The following CARNS1 variants were observed in gnomAD, a reference collection of about 807,000 sequenced individuals.
CARNS1 encodes the protein ATP-grasp domain containing 1.
In CARNS1, 61 loss-of-function variants were observed where a neutral mutation model predicts 74.0. The ratio of observed to expected loss-of-function variants is 0.82; its 90% confidence interval spans 0.67 to 1.02. The LOEUF (loss-of-function observed/expected upper bound fraction) is 1.02. Ranked by LOEUF, CARNS1 falls within the 50% of genes least tolerant of loss-of-function variation. The pLI is 0.00. For synonymous variants in CARNS1, 568 were observed against 605.5 expected (o/e 0.94, Z 0.91); for missense variants, 1,278 against 1,308.4 (o/e 0.98, Z 0.36).
chr11:67,415,913 C>A (rs188622906), intron 1 of CARNS1, 150 bp downstream of exon 1: 8 of 294,978 alleles, frequency 2.7e-5, no homozygotes, highest in Non-Finnish European at 5.1e-5. Context: ...GCCCCCAACT[C>A]CCCCCCGCGC....
Position 67,423,282 on chromosome 11 carries a change from T to A in CARNS1, c.1627-93T>A. ...TGAGCACCTAGTGTTTGTGTACTCGTATCCCCTGAAGGGGCCATCCTAGGC... is the reference window on the plus strand; with the variant it reads ...TGAGCACCTAGTGTTTGTGTACTCGAATCCCCTGAAGGGGCCATCCTAGGC... On this transcript the variant is annotated intron_variant, in intron 9 of 9. Coordinates refer to ENST00000687366, the MANE Select transcript of CARNS1 (RefSeq NM_001166222.2). The surrounding 1 kb of genome is among the most constrained non-coding windows in gnomAD (Gnocchi z 5.1). The A allele has an allele frequency of 7.9e-7, 1 of 1,269,182 alleles. No homozygotes were observed. Among genetic ancestry groups the A allele is most frequent in the Non-Finnish European group, 1.1e-6 (1 of 909,376 alleles). 78.6% of individuals were successfully genotyped at this position (1,269,182 alleles called of 1,614,324 possible). A position where few individuals can be genotyped will look rare whatever the true frequency, so the allele number is the denominator to read the frequency against.
rs957682205 is a variant in CARNS1 at position 67,425,270 on chromosome 11, T to C, written c.*669T>C. ...TGACTGCTCCAGGATTATACCACAG[T>C]GGAGAGCGGGTCACAGGACATGATG... is the stretch of plus-strand genomic sequence containing the variant. On this transcript the variant is annotated 3_prime_UTR_variant, in exon 10 of 10. Coordinates refer to ENST00000687366, the MANE Select transcript of CARNS1 (RefSeq NM_001166222.2). The C allele has an allele frequency of 5.6e-6, 2 of 358,132 alleles. No individual in the cohort carries two copies. Among genetic ancestry groups the C allele is most frequent in the Non-Finnish European group, 1.1e-5 (2 of 181,642 alleles). The allele number at this position is 358,132 out of a possible 1,614,324, so 22.2% of individuals were successfully genotyped here.
chr11:67,423,835 A>G lies in CARNS1; in HGVS notation c.2087A>G (p.Glu696Gly). The change falls in exon 10 of 10, where the codon GAG becomes GGG. Residue 696 changes from glutamate (E) to glycine (G), a missense_variant. Coordinates refer to ENST00000687366, the MANE Select transcript of CARNS1 (RefSeq NM_001166222.2). This position sits in a 1 kb window ranked among gnomAD's most constrained non-coding sequence, Gnocchi z 5.1. The part of the protein sequence containing the change: ...RLVEDAPQCH[E>G]HFSRITRDLQ... ...GTAGAGGATGCGCCACAGTGCCATG[A>G]GCACTTTTCCCGGATTACCCGAGAC... 6.2e-7 allele frequency: 1 copy of G among 1,611,642 alleles called. No individual in the cohort carries two copies. The highest frequency in any genetic ancestry group is 8.5e-7 in the Non-Finnish European group (1 of 1,179,860).
At position 67,424,499 on chromosome 11, in the gene CARNS1, C is replaced by A; in HGVS notation, c.2751C>A (p.Pro917=). ...EPYCSVACAG[P]SPTEARLRLL... is the part of the protein sequence containing the mutation. ...ACTGCAGTGTGGCCTGTGCCGGACCCAGCCCCACCGAGGCCCGTCTCCGCC... is the reference window on the plus strand; with the variant it reads ...ACTGCAGTGTGGCCTGTGCCGGACCAAGCCCCACCGAGGCCCGTCTCCGCC... Residue 917 remains proline, a synonymous_variant, in exon 10 of 10, where the codon CCC becomes CCA. Transcript: ENST00000687366. The A allele has an allele frequency of 6.3e-7, 1 of 1,588,740 alleles. No homozygotes were observed. The highest frequency in any genetic ancestry group is 2.3e-5 in the East Asian group (1 of 43,502).
At position 67,420,681 on chromosome 11, in the gene CARNS1, G is replaced by A; in HGVS notation, c.1186G>A (p.Ala396Thr). The A allele has an allele frequency of 7.9e-7, 1 of 1,263,646 alleles. No individual in the cohort carries two copies. Among genetic ancestry groups the A allele is most frequent in the Non-Finnish European group, 9.9e-7 (1 of 1,006,440 alleles). The allele number at this position is 1,263,646 out of a possible 1,614,324, so 78.3% of individuals were successfully genotyped here. A position where few individuals can be genotyped will look rare whatever the true frequency, so the allele number is the denominator to read the frequency against. The change falls in exon 8 of 10, where the codon GCG becomes ACG. Residue 396 changes from alanine to threonine, a missense_variant. Physicochemically the swap from Ala to Thr is moderately conservative, Grantham distance 58. Transcript: ENST00000687366. ...HNSLPRTLEV[A>T]LAQCGLGEEA... ...CTCCCTGCCGAGGACGCTGGAGGTG[G>A]CGCTGGCCCAGTGCGGCCTGGGCGA...
chr11:67,419,807 G>A lies in CARNS1; in HGVS notation c.1082G>A (p.Arg361Gln), dbSNP rs760637952. The A allele has an allele frequency of 3.9e-5, 62 of 1,597,442 alleles. No individual in the cohort carries two copies. Among genetic ancestry groups the A allele is most frequent in the South Asian group, 1.2e-4 (11 of 88,194 alleles). ...GTGCGAATCTGTGCTGTGGTGTGTC[G>A]GACACAGGGTGATAGGCCACTGCTG... is the stretch of plus-strand genomic sequence containing the variant. ...LAVRICAVVC[R>Q]TQGDRPLLSK... The change falls in exon 7 of 10, where the codon CGG becomes CAG. Residue 361 changes from arginine (R) to glutamine (Q), a missense_variant. By Grantham distance (43) the Arg-to-Gln change is conservative. This residue lies in a region of CARNS1 where 1,164 missense variants were observed against 1,156.5 expected (regional missense o/e 1.01). Transcript: ENST00000687366.
chr11:67,419,297 C>A (rs1308424062), intron 5 of CARNS1, 54 bp downstream of exon 5: 2 of 1,466,986 alleles, frequency 1.4e-6, no homozygotes, highest in Non-Finnish European at 1.8e-6. Context: ...AGGATGGGAC[C>A]CAGGCACGGT....
At position 67,419,535 on chromosome 11, in the gene CARNS1, C is replaced by T. The variant is rs887962861; in HGVS notation, c.901C>T (p.Arg301Cys). ...GCGCTGGCGGGGGCGGCAGGCATGG[C>T]GTCTGCACCCGCGGGCAGAGCTGGG... ...GWRWRGRQAW[R>C]LHPRAELGAV... Residue 301 changes from arginine to cysteine, a missense_variant, in exon 6 of 10, where the codon CGT (arginine) becomes TGT (cysteine). Arg to Cys is a radical substitution (Grantham distance 180, BLOSUM62 -3). Coordinates refer to ENST00000687366, the MANE Select transcript of CARNS1 (RefSeq NM_001166222.2). 2.5e-6 allele frequency: 4 copies of T among 1,608,614 alleles called. No individual in the cohort carries two copies. The highest frequency in any genetic ancestry group is 2.2e-5 in the East Asian group (1 of 44,790).
rs1422619831 is a variant in CARNS1, at chr11:67,418,479, C to T, written c.323C>T (p.Thr108Ile). 1 of 1,501,510 alleles carries T rather than the reference C, an allele frequency of 6.7e-7. No individual in the cohort carries two copies. The highest frequency in any genetic ancestry group is 1.4e-5 in the African/African-American group (1 of 71,128). The allele number at this position is 1,501,510 out of a possible 1,614,324, so 93.0% of individuals were successfully genotyped here. A position where few individuals can be genotyped will look rare whatever the true frequency, so the allele number is the denominator to read the frequency against. Residue 108 changes from threonine to isoleucine, a missense_variant, in exon 4 of 10, where the codon ACC (threonine) becomes ATC (isoleucine). Thr to Ile is a moderately conservative substitution (Grantham distance 89). Around this residue, in one of 3 missense-constraint regions of CARNS1, gnomAD observed 1,164 missense variants for 1,156.5 expected, o/e 1.01. Transcript: ENST00000687366. ...TTGTGCGTTCTGGGCTCCCCCAGCA[C>T]CTTTCTGCCTGTGCTGCTGGAGGGT... ...VTLCVLGSPS[T>I]FLPVLLEGGV...
Position 67,419,141 on chromosome 11 carries a change from G to T in CARNS1, c.750G>T (p.Gly250=). 6.4e-7 allele frequency: 1 copy of T among 1,568,504 alleles called. No homozygotes were observed. Among genetic ancestry groups the T allele is most frequent in the South Asian group, 1.2e-5 (1 of 85,822 alleles). The change falls in exon 5 of 10, where the codon GGG becomes GGT. Residue 250 remains glycine (G), a synonymous_variant. Coordinates refer to ENST00000687366, the MANE Select transcript of CARNS1 (RefSeq NM_001166222.2). The stretch of plus-strand genomic sequence containing the variant: ...TGCGGGGAGGGGATGCCAGCCTAGG[G>T]CTACGGCTGGTGGAGCTGAGTGGCA... ...GLLRGGDASL[G]LRLVELSGKE... is the part of the protein sequence containing the mutation.
In CARNS1 at chr11:67,420,506, A is replaced by C. The variant is rs180979047; in HGVS notation, c.1114-103A>C. 8.6e-4 allele frequency: 553 copies of C among 643,890 alleles called. 4 individuals are homozygous for C. In the African/African-American group the frequency reaches 9.4e-3, roughly 11 times the overall value. 39.9% of individuals were successfully genotyped at this position (643,890 alleles called of 1,614,324 possible). A position where few individuals can be genotyped will look rare whatever the true frequency, so the allele number is the denominator to read the frequency against. ...CACGTTGGAGGACGGGGCTTCTTGA[A>C]TGTCCAGTGAGGGGTCTGGTCTGAA... On this transcript the variant is annotated intron_variant, in intron 7 of 9. Transcript: ENST00000687366.
Position 67,424,909 on chromosome 11 carries a change from C to A in CARNS1, c.*308C>A. The A allele has an allele frequency of 1.7e-6, 1 of 587,122 alleles. No homozygotes were observed. The highest frequency in any genetic ancestry group is 3.2e-6 in the Non-Finnish European group (1 of 314,606). 36.4% of individuals were successfully genotyped at this position (587,122 alleles called of 1,614,324 possible). A position where few individuals can be genotyped will look rare whatever the true frequency, so the allele number is the denominator to read the frequency against. ...CACACACACCTCTGACGCCAGCTCC[C>A]CAGGTGGGAGTGGGCCCAAACCCAG... On this transcript the variant is annotated 3_prime_UTR_variant, in exon 10 of 10. Coordinates refer to ENST00000687366, the MANE Select transcript of CARNS1 (RefSeq NM_001166222.2).
chr11:67,417,423 C>A lies in CARNS1; in HGVS notation c.20C>A (p.Ser7Ter). Residue 7 changes from serine (S) to a stop codon, truncating the protein, a stop_gained, in exon 3 of 10, where the codon TCG (serine) becomes TAG (stop). Coordinates refer to ENST00000687366, the MANE Select transcript of CARNS1 (RefSeq NM_001166222.2). LOFTEE classifies it high-confidence loss of function. Reference sequence around the variant, plus strand: ...CCCTCTCAGCTCTCCCTGGATCCATCGGGTCCCGAGTGGGATTGCCCACTG... The same window carrying A: ...CCCTCTCAGCTCTCCCTGGATCCATAGGGTCCCGAGTGGGATTGCCCACTG... MLSLDP[S>*]GPEWDCPLGS... The A allele has an allele frequency of 7.2e-7, 1 of 1,390,352 alleles. No homozygotes were observed. Among genetic ancestry groups the A allele is most frequent in the South Asian group, 1.6e-5 (1 of 62,692 alleles). 86.1% of individuals were successfully genotyped at this position (1,390,352 alleles called of 1,614,324 possible).
rs368623516 is a variant in CARNS1, at chr11:67,423,740, C to T, written c.1992C>T (p.Ala664=). The change falls in exon 10 of 10, where the codon GCC becomes GCT. Residue 664 remains alanine (A), a synonymous_variant. Coordinates refer to ENST00000687366, the MANE Select transcript of CARNS1 (RefSeq NM_001166222.2). The surrounding 1 kb of genome is among the most constrained non-coding windows in gnomAD (Gnocchi z 5.1). Reference sequence around the variant, plus strand: ...AGAGTGAGGCTGATGTGGAGAGGGCCGTGCACCAGGTACCCCTGCCAGGTG... The same window carrying T: ...AGAGTGAGGCTGATGTGGAGAGGGCTGTGCACCAGGTACCCCTGCCAGGTG... ...PLESEADVER[A]VHQVPLPGVM... is the part of the protein sequence containing the mutation. 4.7e-5 allele frequency: 75 copies of T among 1,581,056 alleles called. No homozygotes were observed. Among genetic ancestry groups the T allele is most frequent in the African/African-American group, 1.1e-4 (8 of 74,396 alleles).
At position 67,420,981 on chromosome 11, in the gene CARNS1, C is replaced by T; in HGVS notation, c.1388C>T (p.Pro463Leu). The change falls in exon 9 of 10, where the codon CCA (proline) becomes CTA (leucine). Residue 463 changes from proline (P) to leucine (L), a missense_variant. Transcript: ENST00000687366. ...ALTAAGGVLT[P>L]VALELNGGLC... ...ACAGCGGCCGGCGGCGTGCTGACCC[C>T]AGTGGCCCTGGAGCTGAACGGCGGC... The T allele has an allele frequency of 7.0e-7, 1 of 1,429,828 alleles. No individual in the cohort carries two copies. Among genetic ancestry groups the T allele is most frequent in the Non-Finnish European group, 9.1e-7 (1 of 1,094,826 alleles). 88.6% of individuals were successfully genotyped at this position (1,429,828 alleles called of 1,614,324 possible).
chr11:67,423,343 C>A lies in CARNS1; in HGVS notation c.1627-32C>A, dbSNP rs1355147082. The A allele has an allele frequency of 1.3e-6, 2 of 1,575,466 alleles. No individual in the cohort carries two copies. The highest frequency in any genetic ancestry group is 2.7e-5 in the African/African-American group (2 of 74,490). On this transcript the variant is annotated intron_variant, in intron 9 of 9. Transcript: ENST00000687366. The surrounding 1 kb of genome is among the most constrained non-coding windows in gnomAD (Gnocchi z 5.1). ...CCCCCTAGCACCCAGTACTAGCTGA[C>A]CTGGATATGCCCCACCCTGTGGCTT...
chr11:67,417,652 G>A lies in CARNS1; in HGVS notation c.249G>A (p.Gln83=), dbSNP rs1048808244. The change falls in exon 3 of 10, where the codon CAG becomes CAA. Residue 83 remains glutamine, a synonymous_variant. Coordinates refer to ENST00000687366, the MANE Select transcript of CARNS1 (RefSeq NM_001166222.2). Reference sequence around the variant, plus strand: ...AGCAAGCTGGCCTTCCGGAGACTCAGGACCGCGGCCAGGTGCCCCGCACAG... The same window carrying A: ...AGCAAGCTGGCCTTCCGGAGACTCAAGACCGCGGCCAGGTGCCCCGCACAG... ...CLQQAGLPET[Q]DRGQVPRTGC... is the part of the protein sequence containing the mutation. 1.5e-5 allele frequency: 19 copies of A among 1,268,286 alleles called. No homozygotes were observed. In the African/African-American group the frequency reaches 2.3e-4, roughly 15 times the overall value. The allele number at this position is 1,268,286 out of a possible 1,614,324, so 78.6% of individuals were successfully genotyped here. A position where few individuals can be genotyped will look rare whatever the true frequency, so the allele number is the denominator to read the frequency against.
intron 7 of CARNS1, 51 bp downstream of exon 7, chr11:67,419,889 C>T: frequency 6.5e-7 from 1 of 1,534,422 alleles, no homozygotes; most frequent in Non-Finnish European, 8.8e-7. Context: ...CACGCCAGCC[C>T]AGTCCCAGTA....
chr11:67,419,065 G>C lies in CARNS1; in HGVS notation c.674G>C (p.Gly225Ala). 6.4e-7 allele frequency: 1 copy of C among 1,561,050 alleles called. No homozygotes were observed. Among genetic ancestry groups the C allele is most frequent in the Admixed American group, 1.9e-5 (1 of 52,180 alleles). ...LTRQLLAQQG[G>A]VAVPATLAFT... is the part of the protein sequence containing the mutation. ...AGGCAGTTGCTGGCCCAGCAGGGTG[G>C]TGTGGCTGTGCCAGCAACCCTGGCT... The change falls in exon 5 of 10, where the codon GGT becomes GCT. Residue 225 changes from glycine (G) to alanine (A), a missense_variant. Gly to Ala is a moderately conservative substitution (Grantham distance 60). This residue lies in a region of CARNS1 where 1,164 missense variants were observed against 1,156.5 expected (regional missense o/e 1.01). Coordinates refer to ENST00000687366, the MANE Select transcript of CARNS1 (RefSeq NM_001166222.2).
Sources: allele counts gnomAD v4.1 joint callset, GRCh38; gene constraint gnomAD v4.1.1; regional missense constraint gnomAD v4.1.1; non-coding constraint Gnocchi (gnomAD v3.1); transcripts MANE v1.5; gene names NCBI Gene and HGNC (gene_info 2026-07-23, HGNC 2026-07-21).